Variants in SCRN1 observed in about 807,000 individuals in gnomAD.
SCRN1 encodes secernin-1.
A neutral mutation model predicts 43.3 loss-of-function variants in SCRN1; 19 were observed. The ratio of observed to expected loss-of-function variants is 0.44; its 90% CI spans 0.31 to 0.64. SCRN1 has a LOEUF of 0.64. Ranked by LOEUF, SCRN1 falls within the 30% of genes least tolerant of loss-of-function variation. SCRN1 has a pLI of 0.09. For synonymous variants in SCRN1, 183 were observed against 188.9 expected (o/e 0.97, Z 0.26); for missense variants, 447 against 524.1 (o/e 0.85, Z 1.44).
intron 4 of SCRN1, among the ~76,000 whole-genome samples, chr7:29,942,977 T>C (rs1015522648): frequency 6.6e-6 from 1 of 152,156 alleles, no homozygotes; most frequent in Non-Finnish European, 1.5e-5. Flanking sequence ...CTGTGGTAGA[T>C]CTTCCGCTTC....
intron 6 of SCRN1, among the ~76,000 whole-genome samples, chr7:29,931,967 T>A (rs745986393): frequency 3.9e-5 from 6 of 152,126 alleles, no homozygotes; most frequent in Non-Finnish European, 7.4e-5. Context: ...ACACCTTTTA[T>A]GTACCCACAA....
intron 2 of SCRN1, among the ~76,000 whole-genome samples, chr7:29,956,515 C>T (rs1788142143): frequency 6.6e-6 from 1 of 152,182 alleles, no homozygotes; most frequent in Admixed American, 6.5e-5. Flanking sequence ...TTAGATCTTT[C>T]TTTTTTTAAC....
intron 7 of SCRN1, among the ~76,000 whole-genome samples, chr7:29,924,801 T>C (rs1158205331): frequency 1.3e-5 from 2 of 152,174 alleles, no homozygotes; most frequent in African/African-American, 2.4e-5. Flanking sequence ...GTTCACTTCT[T>C]CCATGGGACT....
chr7:29,940,990 G>A lies in SCRN1; in HGVS notation c.545-114C>T, dbSNP rs905445291. On this transcript the variant is annotated intron_variant, in intron 4 of 7. Transcript: ENST00000242059. Reference sequence around the variant, plus strand: ...AAACACTGACTTTAACTACAGGGAGGAATCCATTTAATTTTTGAAGAGAGA... The same window carrying A: ...AAACACTGACTTTAACTACAGGGAGAAATCCATTTAATTTTTGAAGAGAGA... 5 of 855,016 alleles carry A rather than the reference G, an allele frequency of 5.8e-6. No homozygotes were observed. The Admixed American group carries it at 1.8e-4, about 32-fold the overall frequency. 53.0% of individuals were successfully genotyped at this position (855,016 alleles called of 1,614,324 possible).
Position 29,989,758 on chromosome 7 carries a change from C to T in SCRN1, c.-118G>A. On this transcript the variant is annotated 5_prime_UTR_variant, in exon 1 of 8. Transcript: ENST00000242059. ...GCGGCGACCTCGGGGGCTGCAGCTG[C>T]AGTGGCGGAGGCGGCCGCCGGGCGC... 1.0e-6 allele frequency: 1 copy of T among 986,534 alleles called. No individual in the cohort carries two copies. Among genetic ancestry groups the T allele is most frequent in the Non-Finnish European group, 1.2e-6 (1 of 830,900 alleles). The allele number at this position is 986,534 out of a possible 1,614,324, so 61.1% of individuals were successfully genotyped here.
At chr7:29,989,568 T>C (rs1789292352) in intron 1 of SCRN1, 74 bp downstream of exon 1, 2 of 985,312 alleles carry the variant, frequency 2.0e-6, no homozygotes, top group South Asian at 4.7e-5. Flanking sequence ...ACGCAGGAGG[T>C]GGCGATGGCG....
chr7:29,926,582 T>C lies in SCRN1; in HGVS notation c.956A>G (p.Lys319Arg), dbSNP rs1269674622. The change falls in exon 7 of 8, where the codon AAA becomes AGA. Residue 319 changes from lysine (K) to arginine (R), a missense_variant. Transcript: ENST00000242059. ...ATCCCCAAAACAGGGAGACTGTGTTTTGGGGACAAGTTTTACGTCATCAAC... is the reference window on the plus strand; with the variant it reads ...ATCCCCAAAACAGGGAGACTGTGTTCTGGGGACAAGTTTTACGTCATCAAC... ...IFVDDVKLVP[K>R]TQSPCFGDDD... is the part of the protein sequence containing the mutation. 6.2e-7 allele frequency: 1 copy of C among 1,613,954 alleles called. No individual in the cohort carries two copies. The highest frequency in any genetic ancestry group is 8.5e-7 in the Non-Finnish European group (1 of 1,180,024).
intron 3 of SCRN1, among the ~76,000 whole-genome samples, chr7:29,947,554 G>A (rs1034609462): frequency 2.6e-5 from 4 of 152,146 alleles, no homozygotes; most frequent in South Asian, 4.1e-4. Flanking sequence ...ATTCTTATAG[G>A]ACTCAGGTGC....
At chr7:29,925,938 C>T (rs994836119) in intron 7 of SCRN1, among the ~76,000 whole-genome samples, 1 of 148,418 alleles carries the variant, frequency 6.7e-6, no homozygotes, top group Non-Finnish European at 1.5e-5. Flanking sequence ...TGTATTATAA[C>T]ATAAGATTGA....
intron 1 of SCRN1, among the ~76,000 whole-genome samples, chr7:29,974,685 C>CTTTTTTTTTT (rs1183202361): frequency 1.5e-5 from 2 of 134,210 alleles, no homozygotes; most frequent in East Asian, 2.1e-4. Flanking sequence ...TTCTTTCTTT[C>CTTTTTTTTTT]TTTTTTTTTT....
intron 1 of SCRN1, chr7:29,988,995 C>T (rs1210877411): frequency 2.0e-5 from 3 of 152,246 alleles, no homozygotes; most frequent in African/African-American, 7.2e-5. Flanking sequence ...GGCAGCCCCG[C>T]CCGGCGCCCC....
rs1381887350 is a variant in SCRN1, at chr7:29,922,397, A to G, written c.*1560T>C. On this transcript the variant is annotated 3_prime_UTR_variant, in exon 8 of 8. Coordinates refer to ENST00000242059, the MANE Select transcript of SCRN1 (RefSeq NM_014766.5). ...CAGGGCTCGGTCCCCTCAAAATCTC[A>G]TGATACAGCTTCTGGGAAGGAGTTA... 1.3e-5 allele frequency: 2 copies of G among 151,980 alleles called. No individual in the cohort carries two copies. Among genetic ancestry groups the G allele is most frequent in the Non-Finnish European group, 2.9e-5 (2 of 67,956 alleles). The allele number at this position is 151,980 out of a possible 1,614,324, so 9.4% of individuals were successfully genotyped here.
At chr7:29,966,576 T>A (rs1002368901) in intron 2 of SCRN1, among the ~76,000 whole-genome samples, 2 of 152,156 alleles carry the variant, frequency 1.3e-5, no homozygotes, top group Non-Finnish European at 2.9e-5. Flanking sequence ...AGAGAAACAT[T>A]TGGACCCAAA....
upstream of SCRN1, chr7:29,989,865 C>T (rs1355564562): frequency 5.2e-5 from 53 of 1,010,798 alleles, no homozygotes; most frequent in Non-Finnish European, 6.0e-5. Context: ...CGGGCCCACC[C>T]TCCGCCTCCC....
At chr7:29,967,557 G>A (rs1788537604) in intron 2 of SCRN1, among the ~76,000 whole-genome samples, 1 of 152,018 alleles carries the variant, frequency 6.6e-6, no homozygotes, top group South Asian at 2.1e-4. Flanking sequence ...TAAGCCAGGT[G>A]CAGTGGCACA....
chr7:29,982,427 C>A (rs928241512), intron 1 of SCRN1, among the ~76,000 whole-genome samples: 1 of 151,112 alleles, frequency 6.6e-6, no homozygotes, highest in African/African-American at 2.4e-5. Flanking sequence ...TGCCTGTAAT[C>A]ACAGTAGTTT....
chr7:29,955,007 A>C (rs1168804646), intron 3 of SCRN1, among the ~76,000 whole-genome samples, 172 bp downstream of exon 3: 1 of 152,108 alleles, frequency 6.6e-6, no homozygotes, highest in Non-Finnish European at 1.5e-5. Flanking sequence ...TTGTTAAGTA[A>C]TATTCCATTG....
intron 4 of SCRN1, among the ~76,000 whole-genome samples, chr7:29,942,880 G>A (rs1216399709): frequency 3.3e-5 from 5 of 152,138 alleles, no homozygotes; most frequent in Non-Finnish European, 7.3e-5. Flanking sequence ...GGGCAATTTT[G>A]TATAGAGTAC....
Position 29,921,204 on chromosome 7 carries a change from T to C in SCRN1, c.*2753A>G, listed in dbSNP as rs948826721. 1.3e-5 allele frequency: 2 copies of C among 152,656 alleles called. No individual in the cohort carries two copies. The highest frequency in any genetic ancestry group is 4.8e-5 in the African/African-American group (2 of 41,464). The allele number at this position is 152,656 out of a possible 1,614,324, so 9.5% of individuals were successfully genotyped here. On this transcript the variant is annotated 3_prime_UTR_variant, in exon 8 of 8. Transcript: ENST00000242059. ...CAGCCCCCACCCCAGTCTGAAAAGA[T>C]ACACAAAGGGTTTCCTAGGAAGCTA... is the stretch of plus-strand genomic sequence containing the variant.
Sources: gnomAD v4.1 joint callset for allele counts (sites outside exome capture counted in the v4.1 genomes callset) on GRCh38, gnomAD v4.1.1 for gene constraint, MANE v1.5 for transcripts, NCBI Gene and HGNC (gene_info 2026-07-23, HGNC 2026-07-21) for gene names.